HERC5: variants seen among roughly 807,000 people sequenced by gnomAD.
The protein encoded by HERC5 is E3 ISG15--protein ligase HERC5.
HERC5 carries 99 observed loss-of-function variants against 119.6 expected under a neutral mutation model. The observed-to-expected ratio is 0.83, with a 90% confidence interval of 0.70 to 0.98. The LOEUF is 0.98. HERC5 is among the 50% of genes least tolerant of loss of function. HERC5 has a pLI of 0.00. For missense variants in HERC5, 1,267 were observed against 1,241.3 expected (o/e 1.02, Z -0.31); for synonymous variants, 478 against 445.9 (o/e 1.07, Z -0.91).
chr4:88,489,956 C>A (rs1463590622), intron 16 of HERC5, among the ~76,000 whole-genome samples: 1 of 152,034 alleles, frequency 6.6e-6, no homozygotes, highest in East Asian at 1.9e-4. Context: ...TTGCAATGAG[C>A]CGAGATCATG....
At chr4:88,462,085 C>A (rs1443067417) in intron 3 of HERC5, 50 bp from the exon 4 acceptor site, 2 of 1,479,530 alleles carry the variant, frequency 1.4e-6, no homozygotes, top group Non-Finnish European at 1.9e-6. Flanking sequence ...AGGGTAATGT[C>A]TGCTGCATTT....
chr4:88,503,676 T>G (rs755895776), intron 20 of HERC5, among the ~76,000 whole-genome samples: 76 of 152,228 alleles, frequency 5.0e-4, no homozygotes, highest in Non-Finnish European at 8.1e-4. Flanking sequence ...TTGGTTGATG[T>G]TTGCATAGTG....
intron 10 of HERC5, among the ~76,000 whole-genome samples, chr4:88,471,628 C>G (rs1414482166): frequency 6.6e-6 from 1 of 152,022 alleles, no homozygotes; most frequent in African/African-American, 2.4e-5. Flanking sequence ...TGTGAGCTAC[C>G]GCACCCAGCC....
intron 18 of HERC5, among the ~76,000 whole-genome samples, chr4:88,498,947 CACAAAA>C (rs1401291297): frequency 6.6e-6 from 1 of 152,146 alleles, no homozygotes. Flanking sequence ...CCGCCTTCCC[CACAAAA>C]ACAAAAACAA....
rs564331424 is a variant in HERC5 at position 88,477,063 on chromosome 4, G to A, written c.1582+1033G>A. Among the ~76,000 whole-genome samples, 621 of 123,944 alleles carry A rather than the reference G, an allele frequency of 5.0e-3. 6 individuals are homozygous for A. The highest frequency in any genetic ancestry group is 0.019 in the African/African-American group (593 of 31,248). 81.3% of individuals were successfully genotyped at this position (123,944 alleles called of 152,430 possible). A position where few individuals can be genotyped will look rare whatever the true frequency, so the allele number is the denominator to read the frequency against. ...CCAAAAAAAGTAAAAAGTATTTATAGCTTTTTTTTTTTTTTTTAAGAATCT... is the reference window on the plus strand; with the variant it reads ...CCAAAAAAAGTAAAAAGTATTTATAACTTTTTTTTTTTTTTTTAAGAATCT... On this transcript the variant is annotated intron_variant, in intron 12 of 22. Transcript: ENST00000264350.
chr4:88,494,431 C>A, intron 18 of HERC5, 100 bp downstream of exon 18: 1 of 972,414 alleles, frequency 1.0e-6, no homozygotes, highest in Non-Finnish European at 1.5e-6. Context: ...TCAACAGCAG[C>A]ATTTTAGGTA....
chr4:88,461,111 G>A (rs1327974849), intron 3 of HERC5, among the ~76,000 whole-genome samples: 1 of 152,214 alleles, frequency 6.6e-6, no homozygotes, highest in East Asian at 1.9e-4. Context: ...TTCATAAACT[G>A]AATAGAATCT....
chr4:88,477,887 T>C (rs1476260995), intron 12 of HERC5, among the ~76,000 whole-genome samples: 1 of 152,244 alleles, frequency 6.6e-6, no homozygotes, highest in Admixed American at 6.5e-5. Context: ...CTGAAATATG[T>C]TTTCTGTAAG....
At chr4:88,472,782 CAG>C (rs1267506595) in intron 11 of HERC5, among the ~76,000 whole-genome samples, 5 of 152,196 alleles carry the variant, frequency 3.3e-5, no homozygotes, top group Non-Finnish European at 7.3e-5. Context: ...TTTTTCAACT[CAG>C]GGCTTTAGGA....
intron 13 of HERC5, 42 bp downstream of exon 13, chr4:88,479,549 T>C (rs775647188): frequency 4.7e-6 from 7 of 1,477,096 alleles, no homozygotes; most frequent in Middle Eastern, 1.8e-4. Context: ...TATCTAGCTG[T>C]AAAAATTCCC....
At chr4:88,483,942 A>G (rs1181308532) in intron 13 of HERC5, among the ~76,000 whole-genome samples, 1 of 152,110 alleles carries the variant, frequency 6.6e-6, no homozygotes, top group South Asian at 2.1e-4. Flanking sequence ...TTGAAATTCC[A>G]GTTATTGACA....
rs770538756 is a variant in HERC5, at chr4:88,475,971, T to C, written c.1523T>C (p.Leu508Pro). Reference protein sequence around the residue: ...MMHISNNWESLVVPFAKVVCK... With the variant: ...MMHISNNWESPVVPFAKVVCK... ...CATATTTCCAACAACTGGGAGAGCC[T>C]TGTGGTTCCATTTGCAAAGGTTGTT... The change falls in exon 12 of 23, where the codon CTT becomes CCT. Residue 508 changes from leucine (L) to proline (P), a missense_variant. Around this residue, in one of 3 missense-constraint regions of HERC5, gnomAD observed 777 missense variants for 758.0 expected, o/e 1.03. Coordinates refer to ENST00000264350, the MANE Select transcript of HERC5 (RefSeq NM_016323.4). 3.1e-6 allele frequency: 5 copies of C among 1,613,904 alleles called. No individual in the cohort carries two copies. The highest frequency in any genetic ancestry group is 2.2e-5 in the East Asian group (1 of 44,874).
At chr4:88,479,824 T>TA (rs1278575079) in intron 13 of HERC5, among the ~76,000 whole-genome samples, 1 of 152,048 alleles carries the variant, frequency 6.6e-6, no homozygotes, top group Non-Finnish European at 1.5e-5. Flanking sequence ...TCCTAGCACT[T>TA]TAGGAGGCCA....
At chr4:88,500,855 T>G in intron 19 of HERC5, 60 bp from the exon 20 acceptor site, 1 of 1,222,044 alleles carries the variant, frequency 8.2e-7, no homozygotes, top group South Asian at 1.3e-5. Flanking sequence ...GTGTTTTTAT[T>G]GATGATAGAT....
intron 12 of HERC5, among the ~76,000 whole-genome samples, chr4:88,478,213 T>A (rs1741150978): frequency 6.6e-6 from 1 of 152,218 alleles, no homozygotes; most frequent in South Asian, 2.1e-4. Context: ...AAAGTTAAAT[T>A]CTAAACTTGT....
intron 4 of HERC5, among the ~76,000 whole-genome samples, 155 bp downstream of exon 4, chr4:88,462,511 G>A (rs10516808): frequency 0.1 from 15,248 of 152,250 alleles, 964 homozygotes; most frequent in Admixed American, 0.18. Flanking sequence ...CAGTCCAAGA[G>A]GCATACATAG....
chr4:88,497,558 T>G (rs751737428), intron 18 of HERC5, among the ~76,000 whole-genome samples: 4 of 152,192 alleles, frequency 2.6e-5, no homozygotes, highest in Non-Finnish European at 4.4e-5. Flanking sequence ...AGAAGCAATC[T>G]CTAAGCAAAG....
At chr4:88,465,442 C>T (rs1337686422) in intron 6 of HERC5, among the ~76,000 whole-genome samples, 2 of 152,144 alleles carry the variant, frequency 1.3e-5, no homozygotes, top group Admixed American at 1.3e-4. Flanking sequence ...AGTCTGTAGG[C>T]ATATTTTCTT....
Position 88,479,386 on chromosome 4 carries a change from T to C in HERC5, c.1616T>C (p.Phe539Ser). The change falls in exon 13 of 23, where the codon TTC (phenylalanine) becomes TCC (serine). Residue 539 changes from phenylalanine (F) to serine (S), a missense_variant. This residue lies in a region of HERC5 where 777 missense variants were observed against 758.0 expected (regional missense o/e 1.03). Transcript: ENST00000264350. ...TGGGCAACTCTGCAAGAATCCACTT[T>C]CAGCAAACTGGTCCAGATGTTTAAA... ...EYWATLQEST[F>S]SKLVQMFKTA... The C allele has an allele frequency of 6.2e-7, 1 of 1,609,678 alleles. No individual in the cohort carries two copies. Among genetic ancestry groups the C allele is most frequent in the South Asian group, 1.1e-5 (1 of 89,856 alleles).
Sources: allele counts gnomAD v4.1 joint callset (sites outside exome capture counted in the v4.1 genomes callset), GRCh38; gene constraint gnomAD v4.1.1; regional missense constraint gnomAD v4.1.1; transcripts MANE v1.5; gene names NCBI Gene and HGNC (gene_info 2026-07-23, HGNC 2026-07-21).